The following SDR42E2 variants were observed in gnomAD, a reference collection of about 807,000 sequenced individuals.
SDR42E2 encodes short chain dehydrogenase/reductase family 42E, member 2, also known as putative short-chain dehydrogenase/reductase family 42E member 2.
SDR42E2 carries 20 observed loss-of-function variants against 10.5 expected under a neutral mutation model. The ratio of observed to expected loss-of-function variants is 1.90; its 90% confidence interval spans 1.34 to 2.77. SDR42E2 has a LOEUF of 2.77. Ranked by LOEUF, SDR42E2 falls within the 30% of genes most tolerant of loss-of-function variation. SDR42E2 has a pLI of 0.00. For missense variants in SDR42E2, 162 were observed against 104.2 expected (o/e 1.55, Z -2.42); for synonymous variants, 72 against 39.2 (o/e 1.84, Z -3.12).
intron 2 of SDR42E2, among the ~76,000 whole-genome samples, 163 bp downstream of exon 2, chr16:22,165,800 C>T (rs1031345875): frequency 2.6e-5 from 4 of 152,196 alleles, no homozygotes; most frequent in East Asian, 1.9e-4. Context: ...GGTACTGTTC[C>T]GAGGCCTGGT....
chr16:22,182,023 T>C (rs2046699818), intron 9 of SDR42E2, among the ~76,000 whole-genome samples, 189 bp from the exon 10 acceptor site: 1 of 152,154 alleles, frequency 6.6e-6, no homozygotes, highest in Admixed American at 6.6e-5. Context: ...GTTAAGCAAC[T>C]CCATGGAGGT....
rs1229435384 is a variant in SDR42E2, at chr16:22,191,134, C to T, written c.*741C>T. ...GTCCGGTTTCTGATATGGGCCAAGG[C>T]TCACAGCTTCCTCCGCCTTCTGGAC... is the stretch of plus-strand genomic sequence containing the variant. On this transcript the variant is annotated 3_prime_UTR_variant, in exon 13 of 13. Coordinates refer to ENST00000602312, the MANE Select transcript of SDR42E2 (RefSeq NM_001394319.2). 2.6e-5 allele frequency: 4 copies of T among 153,840 alleles called. No homozygotes were observed. Among genetic ancestry groups the T allele is most frequent in the African/African-American group, 9.7e-5 (4 of 41,398 alleles). The allele number at this position is 153,840 out of a possible 1,614,324, so 9.5% of individuals were successfully genotyped here. A position where few individuals can be genotyped will look rare whatever the true frequency, so the allele number is the denominator to read the frequency against.
intron 7 of SDR42E2, among the ~76,000 whole-genome samples, chr16:22,174,597 C>G (rs2046629040): frequency 6.6e-6 from 1 of 151,852 alleles, no homozygotes; most frequent in South Asian, 2.1e-4. Flanking sequence ...GGCCTGGACC[C>G]CTGATTCCAG....
intron 7 of SDR42E2, among the ~76,000 whole-genome samples, chr16:22,176,958 G>A (rs944038525): frequency 1.3e-5 from 2 of 152,234 alleles, no homozygotes; most frequent in African/African-American, 2.4e-5. Context: ...ATTGGAAAGT[G>A]TAGCAGCTGC....
At chr16:22,187,455 A>G (rs549932337) in intron 12 of SDR42E2, among the ~76,000 whole-genome samples, 7 of 152,008 alleles carry the variant, frequency 4.6e-5, no homozygotes, top group African/African-American at 1.7e-4. Context: ...CATCTCTACA[A>G]AAAATTTTAA....
intron 11 of SDR42E2, among the ~76,000 whole-genome samples, chr16:22,184,893 GGGAGAGGC>G (rs1181448284): frequency 2.0e-5 from 3 of 152,124 alleles, no homozygotes; most frequent in Non-Finnish European, 2.9e-5. Flanking sequence ...GTGAGAATGC[GGGAGAGGC>G]GGAGAGGCGG....
intron 7 of SDR42E2, among the ~76,000 whole-genome samples, chr16:22,175,404 T>A (rs945927217): frequency 6.6e-6 from 1 of 151,286 alleles, no homozygotes; most frequent in Non-Finnish European, 1.5e-5. Context: ...AAGATGGCAG[T>A]AAGCTGTGAC....
chr16:22,180,775 G>C (rs1176489365), intron 8 of SDR42E2, among the ~76,000 whole-genome samples: 1 of 152,194 alleles, frequency 6.6e-6, no homozygotes, highest in African/African-American at 2.4e-5. Context: ...GGGAGGCCGA[G>C]ATGGGTGGAT....
chr16:22,168,133 A>T (rs1006923985), intron 4 of SDR42E2, among the ~76,000 whole-genome samples: 1 of 151,972 alleles, frequency 6.6e-6, no homozygotes, highest in South Asian at 2.1e-4. Context: ...GGTGGCTCAC[A>T]CCTGTAATCC....
chr16:22,167,165 A>ATT lies in SDR42E2; in HGVS notation c.336+203_336+204dup, dbSNP rs534502295. Among the ~76,000 whole-genome samples the ATT allele has an allele frequency of 7.7e-4, 29 of 37,724 alleles. 5 individuals carry two copies. The highest frequency in any genetic ancestry group is 1.0e-3 in the Non-Finnish European group (24 of 23,172). The allele number at this position is 37,724 out of a possible 152,430, so 24.7% of individuals were successfully genotyped here. On this transcript the variant is annotated intron_variant, in intron 4 of 12. Transcript: ENST00000602312. ...CATGACACCAAATACCAGTTCTGCC[A>ATT]TTTTTTTTTTTTTTTTTTTTTTTTT...
intron 10 of SDR42E2, among the ~76,000 whole-genome samples, chr16:22,183,658 C>G (rs1014744741): frequency 3.3e-5 from 5 of 152,192 alleles, no homozygotes; most frequent in Non-Finnish European, 7.3e-5. Flanking sequence ...TTATCCCATG[C>G]CAGCCCATTT....
intron 11 of SDR42E2, among the ~76,000 whole-genome samples, chr16:22,185,632 G>A (rs952319081): frequency 1.3e-5 from 2 of 152,078 alleles, no homozygotes; most frequent in Non-Finnish European, 2.9e-5. Flanking sequence ...TTTAGAGTTA[G>A]GGTCTTGCAC....
intron 7 of SDR42E2, among the ~76,000 whole-genome samples, chr16:22,176,984 A>G (rs2046649769): frequency 6.6e-6 from 1 of 152,152 alleles, no homozygotes. Flanking sequence ...CTTCCAAAGC[A>G]CCCATTTTCC....
In SDR42E2 at chr16:22,190,687, C is replaced by G; in HGVS notation, c.*294C>G. ...AAGTGGGCACGCTCCTGCTCCGCCC[C>G]CTGAATCCTGGCCACGTCCCTGGTC... is the stretch of plus-strand genomic sequence containing the variant. On this transcript the variant is annotated 3_prime_UTR_variant, in exon 13 of 13. Transcript: ENST00000602312. The G allele has an allele frequency of 2.8e-6, 1 of 351,738 alleles. No individual in the cohort carries two copies. The highest frequency in any genetic ancestry group is 5.1e-6 in the Non-Finnish European group (1 of 195,856). 21.8% of individuals were successfully genotyped at this position (351,738 alleles called of 1,614,324 possible).
At chr16:22,188,584 C>T (rs1033198273) in intron 12 of SDR42E2, among the ~76,000 whole-genome samples, 1 of 152,186 alleles carries the variant, frequency 6.6e-6, no homozygotes, top group Admixed American at 6.5e-5. Flanking sequence ...TCAAGCTTAA[C>T]CATTAGCTTG....
chr16:22,178,086 G>A (rs1012652681), intron 7 of SDR42E2, 44 bp from the exon 8 acceptor site: 1 of 695,174 alleles, frequency 1.4e-6, no homozygotes, highest in Admixed American at 2.0e-5. Context: ...CTCCCTGTGG[G>A]CTGCTCCTCC....
intron 8 of SDR42E2, among the ~76,000 whole-genome samples, chr16:22,179,830 A>G (rs963048394): frequency 6.6e-6 from 1 of 151,128 alleles, no homozygotes; most frequent in Non-Finnish European, 1.5e-5. Context: ...AAAAAAAAAA[A>G]GAAGATTCCA....
At chr16:22,174,346 A>G (rs1224878384) in intron 7 of SDR42E2, among the ~76,000 whole-genome samples, 2 of 151,870 alleles carry the variant, frequency 1.3e-5, no homozygotes, top group African/African-American at 4.8e-5. Flanking sequence ...AATAATAATA[A>G]TAATCCTCAA....
At chr16:22,185,301 G>A (rs568749079) in intron 11 of SDR42E2, among the ~76,000 whole-genome samples, 8 of 152,262 alleles carry the variant, frequency 5.3e-5, no homozygotes, top group East Asian at 1.9e-4. Context: ...TAAATGCATC[G>A]AGTGGCTTGC....
Sources: allele counts gnomAD v4.1 joint callset (sites outside exome capture counted in the v4.1 genomes callset), GRCh38; gene constraint gnomAD v4.1.1; transcripts MANE v1.5; gene names NCBI Gene and HGNC (gene_info 2026-07-23, HGNC 2026-07-21).